CEP164: variants seen among roughly 807,000 people sequenced by gnomAD.
CEP164 encodes the protein centrosomal protein of 164 kDa.
Under a neutral mutation model 182.7 loss-of-function variants are expected in CEP164, and 162 were observed. The ratio of observed to expected loss-of-function variants is 0.89; its 90% CI spans 0.78 to 1.01. The LOEUF (loss-of-function observed/expected upper bound fraction) is 1.01, where lower values mean the gene tolerates loss of function less well. CEP164 is among the 50% of genes least tolerant of loss of function. The pLI is 0.00. For synonymous variants in CEP164, 661 were observed against 690.0 expected (o/e 0.96, Z 0.66); for missense variants, 1,735 against 1,790.4 (o/e 0.97, Z 0.56).
intron 5 of CEP164, chr11:117,356,140 C>T: frequency 9.7e-7 from 1 of 1,035,276 alleles, no homozygotes; most frequent in Non-Finnish European, 1.2e-6. Flanking sequence ...ACTCGGGTCT[C>T]AGAGATCAAC....
intron 27 of CEP164, among the ~76,000 whole-genome samples, chr11:117,405,647 G>A (rs2046593558): frequency 6.6e-6 from 1 of 152,104 alleles, no homozygotes; most frequent in Non-Finnish European, 1.5e-5. Context: ...GCATCATCAG[G>A]CTGCAAATTT....
chr11:117,396,557 C>T lies in CEP164; in HGVS notation c.3224C>T (p.Thr1075Ile). The T allele has an allele frequency of 3.1e-6, 5 of 1,613,710 alleles. No individual in the cohort carries two copies. The highest frequency in any genetic ancestry group is 4.2e-6 in the Non-Finnish European group (5 of 1,179,624). Residue 1075 changes from threonine (T) to isoleucine (I), a missense_variant, in exon 26 of 33, where the codon ACC (threonine) becomes ATC (isoleucine). Physicochemically the swap from Thr to Ile is moderately conservative, Grantham distance 89. Transcript: ENST00000278935. ...TCTACCATGTGTCCCTAGAACCAGA[C>T]CAAAGAGGTGTCTTCTTCTCTCTCC... is the stretch of plus-strand genomic sequence containing the variant. Reference protein sequence around the residue: ...DLRKSLGTNQTKEVSSSLSQS... With the variant: ...DLRKSLGTNQIKEVSSSLSQS...
At chr11:117,352,354 G>A (rs1026539165) in intron 5 of CEP164, among the ~76,000 whole-genome samples, 1 of 152,170 alleles carries the variant, frequency 6.6e-6, no homozygotes, top group Admixed American at 6.5e-5. Flanking sequence ...CCAGTGAGCT[G>A]AGTGAAGTGT....
intron 2 of CEP164, among the ~76,000 whole-genome samples, chr11:117,337,581 C>G (rs1257789218): frequency 6.6e-6 from 1 of 151,924 alleles, no homozygotes; most frequent in Non-Finnish European, 1.5e-5. Context: ...CACTTTTCCC[C>G]CATATCCTGG....
At chr11:117,367,624 A>G (rs1250921385) in intron 8 of CEP164, among the ~76,000 whole-genome samples, 1 of 152,202 alleles carries the variant, frequency 6.6e-6, no homozygotes, top group Non-Finnish European at 1.5e-5. Flanking sequence ...TGCTGCACCC[A>G]TTAACTCATC....
At position 117,395,740 on chromosome 11, in the gene CEP164, C is replaced by T; in HGVS notation, c.3089+18C>T. The T allele has an allele frequency of 3.1e-6, 5 of 1,594,826 alleles. No individual in the cohort carries two copies. Among genetic ancestry groups the T allele is most frequent in the Non-Finnish European group, 4.3e-6 (5 of 1,170,914 alleles). On this transcript the variant is annotated intron_variant, in intron 24 of 32. Coordinates refer to ENST00000278935, the MANE Select transcript of CEP164 (RefSeq NM_014956.5). ...CACTTCAGGTGGCGTGGGCACCCTG[C>T]ACTTAGCCCTGCTGGCTGCCTCCTG... is the stretch of plus-strand genomic sequence containing the variant.
Position 117,382,953 on chromosome 11 carries a change from G to A in CEP164, c.1724+11G>A. 2 of 1,611,016 alleles carry A rather than the reference G, an allele frequency of 1.2e-6. No homozygotes were observed. Among genetic ancestry groups the A allele is most frequent in the Non-Finnish European group, 1.7e-6 (2 of 1,178,716 alleles). The stretch of plus-strand genomic sequence containing the variant: ...AGTCTCTCCAGAGGTGTAAGGGCCA[G>A]TTTTGTGTGTCTGTCCCTGACCTCC... On this transcript the variant is annotated intron_variant, in intron 14 of 32. Transcript: ENST00000278935.
intron 1 of CEP164, among the ~76,000 whole-genome samples, chr11:117,334,920 G>A (rs1422169626): frequency 1.3e-5 from 2 of 152,044 alleles, no homozygotes; most frequent in African/African-American, 4.8e-5. Context: ...TTTCTCAAAT[G>A]CAGAATTTCT....
At chr11:117,407,699 A>G (rs143473632) in intron 27 of CEP164, among the ~76,000 whole-genome samples, 1 of 152,292 alleles carries the variant, frequency 6.6e-6, no homozygotes, top group African/African-American at 2.4e-5. Context: ...AACAGTAACC[A>G]TCTGAGAGTT....
At chr11:117,339,122 G>A in intron 3 of CEP164, among the ~76,000 whole-genome samples, 1 of 152,086 alleles carries the variant, frequency 6.6e-6, no homozygotes, top group East Asian at 1.9e-4. Context: ...CTGGCTACTT[G>A]CCTATTTTTG....
At chr11:117,326,109 C>CTA (rs2035428470), upstream of CEP164, among the ~76,000 whole-genome samples, 1 of 151,866 alleles carries the variant, frequency 6.6e-6, no homozygotes, top group Non-Finnish European at 1.5e-5. Flanking sequence ...TGGGGTTTCT[C>CTA]CATGTTGATC....
intron 24 of CEP164, 151 bp from the exon 25 acceptor site, chr11:117,395,903 G>C: frequency 8.2e-7 from 1 of 1,217,890 alleles, no homozygotes; most frequent in Non-Finnish European, 1.1e-6. Flanking sequence ...GTGAAAAGCA[G>C]GGGATCTCTG....
At chr11:117,328,934 C>T (rs892655653) in intron 1 of CEP164, among the ~76,000 whole-genome samples, 2 of 152,162 alleles carry the variant, frequency 1.3e-5, no homozygotes, top group African/African-American at 4.8e-5. Context: ...TATTCTGCCT[C>T]TTAATTCCCC....
At chr11:117,340,895 G>A (rs536210403) in intron 3 of CEP164, among the ~76,000 whole-genome samples, 3 of 152,218 alleles carry the variant, frequency 2.0e-5, no homozygotes, top group East Asian at 3.9e-4. Flanking sequence ...CTGCAATGGC[G>A]TGAGCTCGGC....
intron 5 of CEP164, chr11:117,359,433 C>A (rs2040685536): frequency 1.0e-6 from 1 of 985,440 alleles, no homozygotes. Flanking sequence ...CTACAACAGG[C>A]CAGATGATTG....
intron 27 of CEP164, among the ~76,000 whole-genome samples, chr11:117,407,363 T>A (rs1374839079): frequency 7.0e-6 from 1 of 143,292 alleles, no homozygotes; most frequent in African/African-American, 2.6e-5. Flanking sequence ...ATGTGGTGGC[T>A]CATGCCTGTA....
At chr11:117,405,985 T>G (rs191089979) in intron 27 of CEP164, among the ~76,000 whole-genome samples, 1 of 152,248 alleles carries the variant, frequency 6.6e-6, no homozygotes, top group South Asian at 2.1e-4. Flanking sequence ...TTCCAAACTT[T>G]CCCACATTTT....
In CEP164 at chr11:117,357,187, TC is replaced by T. The variant is rs572932276; in HGVS notation, c.394-4647del. Among the ~76,000 whole-genome samples, 436 of 152,110 alleles carry T rather than the reference TC, an allele frequency of 2.9e-3. 1 individual carries two copies. Among genetic ancestry groups the T allele is most frequent in the African/African-American group, 9.9e-3 (412 of 41,488 alleles). On this transcript the variant is annotated intron_variant, in intron 5 of 32. Coordinates refer to ENST00000278935, the MANE Select transcript of CEP164 (RefSeq NM_014956.5). The stretch of plus-strand genomic sequence containing the variant: ...TGGCTCACTGCAATCTGCACCTCCA[TC>T]GCTTGAATCCCAGGTTCAAGTGATT...
intron 17 of CEP164, among the ~76,000 whole-genome samples, chr11:117,391,721 C>G (rs2044679816): frequency 6.6e-6 from 1 of 152,164 alleles, no homozygotes; most frequent in Non-Finnish European, 1.5e-5. Context: ...TCCATACTCC[C>G]TCTTCTACTC....
Sources: allele counts gnomAD v4.1 joint callset (sites outside exome capture counted in the v4.1 genomes callset), GRCh38; gene constraint gnomAD v4.1.1; transcripts MANE v1.5; gene names NCBI Gene and HGNC (gene_info 2026-07-23, HGNC 2026-07-21).